The following MARCHF10 variants were observed in gnomAD, a reference collection of about 807,000 sequenced individuals.
MARCHF10 encodes membrane associated ring-CH-type finger 10.
MARCHF10 carries 64 observed loss-of-function variants against 76.2 expected under a neutral mutation model. That is an observed-to-expected ratio of 0.84 (90% CI 0.69 to 1.03). The LOEUF is 1.03. MARCHF10 is among the 50% of genes least tolerant of loss of function. The probability of loss-of-function intolerance (pLI) is 0.00; values close to 1 mark genes in which losing one functional copy is unlikely to be tolerated. For missense variants in MARCHF10, 875 were observed against 958.0 expected, an observed-to-expected ratio of 0.91 and a Z score of 1.14; for synonymous variants, 340 against 357.5, an observed-to-expected ratio of 0.95 and a Z score of 0.55.
At chr17:62,706,046 T>C (rs749153638) in intron 9 of MARCHF10, among the ~76,000 whole-genome samples, 8 of 152,340 alleles carry the variant, frequency 5.3e-5, no homozygotes, top group Non-Finnish European at 1.0e-4. Flanking sequence ...TATGGCATTT[T>C]ATGCCACAAT....
intron 3 of MARCHF10, among the ~76,000 whole-genome samples, chr17:62,775,547 C>A (rs936081560): frequency 6.6e-6 from 1 of 151,816 alleles, no homozygotes; most frequent in African/African-American, 2.4e-5. Context: ...CCCCATGGTA[C>A]CCAACACGGT....
At chr17:62,806,607 G>A (rs1346061184) in intron 1 of MARCHF10, 1 of 152,168 alleles carries the variant, frequency 6.6e-6, no homozygotes. Context: ...AGGAAGGAGG[G>A]GGTCCTGCCT....
At position 62,756,491 on chromosome 17, in the gene MARCHF10, G is replaced by A. The variant is rs544881336; in HGVS notation, c.382+3344C>T. The stretch of plus-strand genomic sequence containing the variant: ...ATCAATAAAATACAACTCTGATTTT[G>A]TAAAGAAAAAAAGATGTTTTGGGAG... On this transcript the variant is annotated intron_variant, in intron 4 of 10. Coordinates refer to ENST00000311269, the MANE Select transcript of MARCHF10 (RefSeq NM_152598.4). Among the ~76,000 whole-genome samples the A allele has an allele frequency of 2.6e-5, 4 of 152,198 alleles. No individual in the cohort carries two copies. The South Asian group carries it at 8.3e-4, about 32-fold the overall frequency.
At chr17:62,792,575 C>T (rs2092865688) in intron 2 of MARCHF10, among the ~76,000 whole-genome samples, 1 of 151,038 alleles carries the variant, frequency 6.6e-6, no homozygotes, top group South Asian at 2.1e-4. Context: ...CCATCACCAC[C>T]ACAACCATCA....
intron 5 of MARCHF10, among the ~76,000 whole-genome samples, chr17:62,740,077 T>C (rs985476606): frequency 1.7e-4 from 15 of 88,466 alleles, no homozygotes; most frequent in African/African-American, 4.9e-4. Context: ...TGTGTGTGTG[T>C]GTGTGCGTGT....
chr17:62,747,555 G>A (rs1340400017), intron 4 of MARCHF10, among the ~76,000 whole-genome samples: 2 of 152,194 alleles, frequency 1.3e-5, no homozygotes, highest in Admixed American at 6.5e-5. Flanking sequence ...TCTTGTTACT[G>A]TGAAGTTTAG....
chr17:62,736,402 A>T lies in MARCHF10; in HGVS notation c.1466T>A (p.Leu489Ter). The T allele has an allele frequency of 6.2e-7, 1 of 1,614,182 alleles. No homozygotes were observed. The highest frequency in any genetic ancestry group is 1.3e-5 in the African/African-American group (1 of 75,058). The part of the protein sequence containing the change: ...SALRDDIPVD[L>*]SMSSTSVHSS... ...GTGAACTGAAGTCGATGACATTGAC[A>T]AGTCTACTGGAATATCATCTCTCAG... Residue 489 changes from leucine (L) to a stop codon, truncating the protein, a stop_gained, in exon 6 of 11, where the codon TTG (leucine) becomes TAG (stop). Coordinates refer to ENST00000311269, the MANE Select transcript of MARCHF10 (RefSeq NM_152598.4). LOFTEE classifies it high-confidence loss of function.
At chr17:62,756,440 C>A (rs1453695758) in intron 4 of MARCHF10, among the ~76,000 whole-genome samples, 1 of 152,108 alleles carries the variant, frequency 6.6e-6, no homozygotes, top group Non-Finnish European at 1.5e-5. Context: ...AGTAAGACCC[C>A]ATCTCTATAA....
intron 9 of MARCHF10, among the ~76,000 whole-genome samples, chr17:62,709,857 G>A (rs980388684): frequency 2.0e-5 from 3 of 152,066 alleles, no homozygotes; most frequent in Admixed American, 6.6e-5. Context: ...AGCATCAACG[G>A]CACCGGGCCT....
chr17:62,729,771 G>T (rs1035936800), intron 6 of MARCHF10, among the ~76,000 whole-genome samples: 1 of 151,970 alleles, frequency 6.6e-6, no homozygotes, highest in Admixed American at 6.6e-5. Context: ...ACAGGGTATC[G>T]CCATGTTGTC....
intron 1 of MARCHF10, among the ~76,000 whole-genome samples, chr17:62,803,866 A>G (rs1319573589): frequency 1.3e-5 from 2 of 152,178 alleles, no homozygotes; most frequent in African/African-American, 4.8e-5. Context: ...TGTTCTAAGC[A>G]GTTACATCAA....
At chr17:62,806,447 A>C (rs1470411707) in intron 1 of MARCHF10, 1 of 152,208 alleles carries the variant, frequency 6.6e-6, no homozygotes, top group Non-Finnish European at 1.5e-5. Context: ...CTGCTTCTTA[A>C]TTTAAAACCC....
At chr17:62,745,983 A>T (rs902208779) in intron 4 of MARCHF10, among the ~76,000 whole-genome samples, 5 of 152,186 alleles carry the variant, frequency 3.3e-5, no homozygotes, top group Non-Finnish European at 7.3e-5. Flanking sequence ...AGCTGGTAAC[A>T]TAGGGATAAA....
rs750891111 is a variant in MARCHF10, at chr17:62,801,697, G to A, written c.39C>T (p.Ser13=). ...HDARDRQKFF[S]DVQYLRDMQH... Reference sequence around the variant, plus strand: ...GCATGTCCCGCAGATACTGAACATCGCTGAAGAACTTCTGCCTGTCCCTTG... The same window carrying A: ...GCATGTCCCGCAGATACTGAACATCACTGAAGAACTTCTGCCTGTCCCTTG... Residue 13 remains serine, a synonymous_variant, in exon 2 of 11, where the codon AGC becomes AGT. Transcript: ENST00000311269. 6.2e-6 allele frequency: 10 copies of A among 1,613,968 alleles called. No homozygotes were observed. Among genetic ancestry groups the A allele is most frequent in the African/African-American group, 4.0e-5 (3 of 74,900 alleles).
At chr17:62,747,174 A>G (rs1463195449) in intron 4 of MARCHF10, among the ~76,000 whole-genome samples, 1 of 152,250 alleles carries the variant, frequency 6.6e-6, no homozygotes, top group Non-Finnish European at 1.5e-5. Context: ...CTTGTCGTGC[A>G]GGACAAATAT....
At position 62,733,788 on chromosome 17, in the gene MARCHF10, C is replaced by T. The variant is rs1407328375; in HGVS notation, c.1937+2143G>A. ...CAAATATATCAATAAGGATGCATCTCACTAAGGATGTAAGAGGAAAAAGCA... is the reference window on the plus strand; with the variant it reads ...CAAATATATCAATAAGGATGCATCTTACTAAGGATGTAAGAGGAAAAAGCA... On this transcript the variant is annotated intron_variant, in intron 6 of 10. Transcript: ENST00000311269. Among the ~76,000 whole-genome samples the T allele has an allele frequency of 1.3e-5, 2 of 152,182 alleles. 1 individual carries two copies. The highest frequency in any genetic ancestry group is 3.8e-4 in the East Asian group (2 of 5,202).
chr17:62,704,060 G>A (rs964715904), intron 10 of MARCHF10, among the ~76,000 whole-genome samples: 5 of 151,668 alleles, frequency 3.3e-5, no homozygotes, highest in Non-Finnish European at 7.4e-5. Flanking sequence ...GCGCCTGGGC[G>A]CGGCGCCGGG....
At chr17:62,791,544 C>T (rs891399968) in intron 2 of MARCHF10, among the ~76,000 whole-genome samples, 3 of 152,138 alleles carry the variant, frequency 2.0e-5, no homozygotes, top group African/African-American at 7.2e-5. Context: ...AAAATTTTTT[C>T]CCTCTAGTTC....
intron 3 of MARCHF10, among the ~76,000 whole-genome samples, chr17:62,774,003 A>T (rs1251690836): frequency 6.6e-6 from 1 of 152,248 alleles, no homozygotes; most frequent in Non-Finnish European, 1.5e-5. Flanking sequence ...AAGAGGGTCA[A>T]GCACAGGACC....
Sources: allele counts gnomAD v4.1 joint callset (sites outside exome capture counted in the v4.1 genomes callset), GRCh38; gene constraint gnomAD v4.1.1; transcripts MANE v1.5; gene names NCBI Gene and HGNC (gene_info 2026-07-23, HGNC 2026-07-21).